The following CCDC57 variants were observed in gnomAD, a reference collection of about 807,000 sequenced individuals.
CCDC57 encodes the protein coiled-coil domain-containing protein 57.
In CCDC57, 118 loss-of-function variants were observed where a neutral mutation model predicts 118.9. The observed-to-expected ratio is 0.99, with a 90% CI of 0.86 to 1.16. CCDC57 has a LOEUF of 1.16. Ranked by LOEUF, CCDC57 falls within the 50% of genes most tolerant of loss-of-function variation. The probability of loss-of-function intolerance (pLI) is 0.00; values close to 1 mark genes in which losing one functional copy is unlikely to be tolerated. For missense variants in CCDC57, 1,300 were observed against 1,320.7 expected, an observed-to-expected ratio of 0.98 and a Z score of 0.24; for synonymous variants, 527 against 532.9, an observed-to-expected ratio of 0.99 and a Z score of 0.15.
At chr17:82,167,389 A>T (rs58032696) in intron 13 of CCDC57, among the ~76,000 whole-genome samples, 1 of 150,058 alleles carries the variant, frequency 6.7e-6, no homozygotes, top group Non-Finnish European at 1.5e-5. Flanking sequence ...TTGCTCTTGT[A>T]GCCCAGGCTG....
At chr17:82,210,981 G>C (rs533013314) in intron 1 of CCDC57, among the ~76,000 whole-genome samples, 60 of 127,014 alleles carry the variant, frequency 4.7e-4, no homozygotes, top group Non-Finnish European at 1.3e-4. Context: ...GCGGCAAAGA[G>C]AGACTCCGTC....
chr17:82,142,153 C>A (rs1315192992), intron 16 of CCDC57, among the ~76,000 whole-genome samples: 1 of 152,142 alleles, frequency 6.6e-6, no homozygotes, highest in Non-Finnish European at 1.5e-5. Context: ...TATTTGGGAG[C>A]CACATTTTAC....
At chr17:82,134,739 A>C (rs2038914683) in intron 16 of CCDC57, among the ~76,000 whole-genome samples, 1 of 152,166 alleles carries the variant, frequency 6.6e-6, no homozygotes. Context: ...GGTTGCAGCG[A>C]GCCGAGATCA....
At chr17:82,181,256 A>C (rs892050561) in intron 9 of CCDC57, among the ~76,000 whole-genome samples, 1 of 152,250 alleles carries the variant, frequency 6.6e-6, no homozygotes, top group Admixed American at 6.5e-5. Flanking sequence ...GGAACGAAGC[A>C]GCCAGCACGG....
At chr17:82,142,323 T>G (rs2040123714) in intron 16 of CCDC57, among the ~76,000 whole-genome samples, 2 of 152,068 alleles carry the variant, frequency 1.3e-5, no homozygotes, top group East Asian at 1.9e-4. Context: ...TTGTTTTTTT[T>G]TTTTCTTGAG....
chr17:82,134,141 CG>C lies in CCDC57; in HGVS notation c.2508del (p.Glu837ArgfsTer66). 7.2e-7 allele frequency: 1 copy of C among 1,381,810 alleles called. No individual in the cohort carries two copies. The highest frequency in any genetic ancestry group is 9.4e-7 in the Non-Finnish European group (1 of 1,063,574). 85.6% of individuals were successfully genotyped at this position (1,381,810 alleles called of 1,614,324 possible). On this transcript the variant is annotated frameshift_variant, in exon 17 of 20. Coordinates refer to ENST00000665763, the Ensembl canonical transcript of CCDC57. LOFTEE classifies it high-confidence loss of function. Reference sequence around the variant, plus strand: ...CGATCCAAAGGCCTCCTGGGCTCCTCGCCTGGCTTCCGGGCCTCAGGGGCAG... The same window carrying C: ...CGATCCAAAGGCCTCCTGGGCTCCTCCCTGGCTTCCGGGCCTCAGGGGCAG...
At chr17:82,142,189 G>A (rs962262013) in intron 16 of CCDC57, among the ~76,000 whole-genome samples, 2 of 152,096 alleles carry the variant, frequency 1.3e-5, no homozygotes, top group East Asian at 1.9e-4. Flanking sequence ...ATCTTTTAAC[G>A]CATAGTTAAA....
intron 16 of CCDC57, among the ~76,000 whole-genome samples, chr17:82,144,249 A>G (rs2040414547): frequency 6.6e-6 from 1 of 152,128 alleles, no homozygotes; most frequent in South Asian, 2.1e-4. Context: ...AATAGAGACT[A>G]TAGTGAGCTA....
At chr17:82,116,942 C>A (rs1330252413) in intron 19 of CCDC57, among the ~76,000 whole-genome samples, 1 of 152,232 alleles carries the variant, frequency 6.6e-6, no homozygotes, top group Non-Finnish European at 1.5e-5. Context: ...AACAAACGCC[C>A]ATTTTTCTGT....
At chr17:82,105,495 G>A (rs2034783582) in intron 19 of CCDC57, among the ~76,000 whole-genome samples, 1 of 152,118 alleles carries the variant, frequency 6.6e-6, no homozygotes. Context: ...ATCTCCAGAA[G>A]CTGCGTGCAC....
At chr17:82,185,416 C>T (rs564647562) in intron 8 of CCDC57, among the ~76,000 whole-genome samples, 3 of 150,798 alleles carry the variant, frequency 2.0e-5, no homozygotes, top group Admixed American at 1.3e-4. Context: ...TCCCAGAGCT[C>T]GAAACCAGCC....
At chr17:82,137,430 C>T (rs534009693) in intron 16 of CCDC57, among the ~76,000 whole-genome samples, 14 of 152,278 alleles carry the variant, frequency 9.2e-5, no homozygotes, top group Admixed American at 2.6e-4. Flanking sequence ...GGTAATTTTC[C>T]GTGCTTTTGT....
rs2047766950 is a variant in CCDC57 at position 82,192,300 on chromosome 17, T to C, written c.851+1456A>G. Among the ~76,000 whole-genome samples the C allele has an allele frequency of 6.6e-6, 1 of 152,150 alleles. No individual in the cohort carries two copies. Among genetic ancestry groups the C allele is most frequent in the Non-Finnish European group, 1.5e-5 (1 of 68,016 alleles). On this transcript the variant is annotated intron_variant, in intron 7 of 19. Transcript: ENST00000665763. The surrounding 1 kb of genome is among the most constrained non-coding windows in gnomAD (Gnocchi z 4.0). ...TTCTTTCCTCTAGCTAGCATTACTTTAAGAATCAGCATAGGATACACACAA... is the reference window on the plus strand; with the variant it reads ...TTCTTTCCTCTAGCTAGCATTACTTCAAGAATCAGCATAGGATACACACAA...
chr17:82,201,505 C>A, intron 3 of CCDC57, 33 bp downstream of exon 2: 1 of 1,538,788 alleles, frequency 6.5e-7, no homozygotes, highest in Non-Finnish European at 8.7e-7. Context: ...CTGCCAGGCA[C>A]TGCACAGGAG....
intron 2 of CCDC57, among the ~76,000 whole-genome samples, chr17:82,204,267 G>A (rs4789667): frequency 0.46 from 69,469 of 151,734 alleles, 16,712 homozygotes; most frequent in East Asian, 0.88. Context: ...GAGCTAACAG[G>A]GTCCCTACCG....
intron 3 of CCDC57, among the ~76,000 whole-genome samples, chr17:82,200,811 A>G (rs2048906956): frequency 6.6e-6 from 1 of 152,186 alleles, no homozygotes; most frequent in Non-Finnish European, 1.5e-5. Context: ...AAAGAAAAGA[A>G]AAAAAATGCT....
intron 16 of CCDC57, among the ~76,000 whole-genome samples, chr17:82,134,591 C>T (rs923416471): frequency 1.2e-4 from 18 of 152,054 alleles, no homozygotes; most frequent in African/African-American, 1.7e-4. Context: ...GCCAGGAGTT[C>T]GAGATCAGCC....
In CCDC57 at chr17:82,193,753, C is replaced by T. The variant is rs1479290218; in HGVS notation, c.851+3G>A. On this transcript the variant is annotated splice_donor_region_variant and intron_variant, in intron 7 of 19. Transcript: ENST00000665763. ...GCATGATGTTGGGAGCCGAAACACT[C>T]ACTTCCTCTTAAATGTTTCCTCTTC... is the stretch of plus-strand genomic sequence containing the variant. The T allele has an allele frequency of 3.8e-6, 6 of 1,591,604 alleles. No homozygotes were observed. In the Admixed American group the frequency reaches 8.9e-5, roughly 24 times the overall value.
intron 4 of CCDC57, 128 bp from the exon 4 acceptor site, chr17:82,195,492 G>C (rs2048190974): frequency 4.1e-6 from 3 of 727,622 alleles, no homozygotes; most frequent in Non-Finnish European, 7.2e-6. Flanking sequence ...CACACACACT[G>C]TCCAGGAGAG....
Sources: allele counts gnomAD v4.1 joint callset (sites outside exome capture counted in the v4.1 genomes callset), GRCh38; gene constraint gnomAD v4.1.1; non-coding constraint Gnocchi (gnomAD v3.1); transcripts MANE v1.5; gene names NCBI Gene and HGNC (gene_info 2026-07-23, HGNC 2026-07-21).